The following SMAP2 variants were observed in gnomAD, a reference collection of about 807,000 sequenced individuals.
SMAP2 encodes the protein stromal membrane-associated protein 2.
Under a neutral mutation model 56.4 loss-of-function variants are expected in SMAP2, and 25 were observed. That is an observed-to-expected ratio of 0.44 (90% CI 0.32 to 0.62). SMAP2 has a LOEUF of 0.62. Ranked by LOEUF, SMAP2 falls within the 20% of genes least tolerant of loss-of-function variation. SMAP2 has a pLI of 0.04. For synonymous variants in SMAP2, 157 were observed against 181.7 expected, an observed-to-expected ratio of 0.86 and a Z score of 1.09; for missense variants, 388 against 545.6, an observed-to-expected ratio of 0.71 and a Z score of 2.88.
intron 1 of SMAP2, among the ~76,000 whole-genome samples, chr1:40,381,764 A>G (rs1029229086): frequency 6.6e-6 from 1 of 152,190 alleles, no homozygotes; most frequent in South Asian, 2.1e-4. Context: ...TGCTATTCAC[A>G]TGGGGTTATA....
intron 1 of SMAP2, among the ~76,000 whole-genome samples, chr1:40,383,890 CTT>C (rs144344953): frequency 6.7e-6 from 1 of 149,866 alleles, no homozygotes; most frequent in Non-Finnish European, 1.5e-5. Flanking sequence ...ACAGCTCACT[CTT>C]TTTTTTTTCT....
chr1:40,351,121 C>G (rs972479204), intron 1 of SMAP2, among the ~76,000 whole-genome samples: 1 of 152,160 alleles, frequency 6.6e-6, no homozygotes, highest in Non-Finnish European at 1.5e-5. Context: ...TTTTCTGGTG[C>G]CTTCTGGAGC....
chr1:40,385,876 G>A lies in SMAP2; in HGVS notation c.103+11653G>A, dbSNP rs1173821360. 1.3e-5 allele frequency among the ~76,000 whole-genome samples: 2 copies of A among 152,004 alleles called. No homozygotes were observed. The highest frequency in any genetic ancestry group is 2.9e-5 in the Non-Finnish European group (2 of 68,026). Reference sequence around the variant, plus strand: ...CTTGTCTAACTGGAAGTCCCCAAATGTGTGGATTTAGAAATGAGTTCTCTA... The same window carrying A: ...CTTGTCTAACTGGAAGTCCCCAAATATGTGGATTTAGAAATGAGTTCTCTA... On this transcript the variant is annotated intron_variant, in intron 1 of 9. Coordinates refer to ENST00000372718, the MANE Select transcript of SMAP2 (RefSeq NM_022733.3). This position sits in a 1 kb window ranked among gnomAD's most constrained non-coding sequence, Gnocchi z 4.5.
intron 1 of SMAP2, among the ~76,000 whole-genome samples, chr1:40,379,490 T>G (rs929583939): frequency 6.6e-6 from 1 of 151,902 alleles, no homozygotes; most frequent in Non-Finnish European, 1.5e-5. Context: ...TCTAAGGCTG[T>G]GACCAAGTTA....
At chr1:40,357,928 T>G (rs954694618) in intron 1 of SMAP2, among the ~76,000 whole-genome samples, 3 of 152,154 alleles carry the variant, frequency 2.0e-5, no homozygotes, top group Non-Finnish European at 4.4e-5. Context: ...TGGTTTCATA[T>G]AAATTTTAGG....
At position 40,374,601 on chromosome 1, in the gene SMAP2, G is replaced by GTT. The variant is rs1340799954; in HGVS notation, c.103+379_103+380insTT. 2.1e-4 allele frequency: 225 copies of GTT among 1,066,674 alleles called. 1 individual carries two copies. In the African/African-American group the frequency reaches 3.6e-3, roughly 17 times the overall value. The allele number at this position is 1,066,674 out of a possible 1,614,324, so 66.1% of individuals were successfully genotyped here. A position where few individuals can be genotyped will look rare whatever the true frequency, so the allele number is the denominator to read the frequency against. On this transcript the variant is annotated intron_variant, in intron 1 of 9. Transcript: ENST00000372718. The surrounding 1 kb of genome is among the most constrained non-coding windows in gnomAD (Gnocchi z 5.9). The stretch of plus-strand genomic sequence containing the variant: ...ATTGCGTGCGTGCGTGCGTGCGTGT[G>GTT]TGTGTGTGTGTGTGTGTGTGTGTGA...
intron 1 of SMAP2, among the ~76,000 whole-genome samples, chr1:40,376,731 A>T (rs915240782): frequency 6.6e-6 from 1 of 152,232 alleles, no homozygotes; most frequent in Non-Finnish European, 1.5e-5. Context: ...AGTGTTGGCT[A>T]AAATGAGAAT....
chr1:40,389,490 C>T (rs1207932521), intron 1 of SMAP2, among the ~76,000 whole-genome samples: 2 of 152,266 alleles, frequency 1.3e-5, no homozygotes, highest in East Asian at 3.9e-4. Flanking sequence ...GATAGTCTTC[C>T]TCATACTGTT....
In SMAP2 at chr1:40,374,276, G is replaced by A; in HGVS notation, c.103+53G>A. The stretch of plus-strand genomic sequence containing the variant: ...GGTCCAGCCGCGCCGGGGTGGTGGG[G>A]GTGGGCTGCGTGAAGAGGCGGTTTC... On this transcript the variant is annotated intron_variant, in intron 1 of 9. Transcript: ENST00000372718. The surrounding 1 kb of genome is among the most constrained non-coding windows in gnomAD (Gnocchi z 5.9). 6.7e-7 allele frequency: 1 copy of A among 1,483,112 alleles called. No homozygotes were observed. The highest frequency in any genetic ancestry group is 1.2e-5 in the South Asian group (1 of 84,122). The allele number at this position is 1,483,112 out of a possible 1,614,324, so 91.9% of individuals were successfully genotyped here.
At chr1:40,397,513 A>G (rs1183838855) in intron 1 of SMAP2, among the ~76,000 whole-genome samples, 1 of 152,130 alleles carries the variant, frequency 6.6e-6, no homozygotes, top group Non-Finnish European at 1.5e-5. Context: ...TGTTACAGCT[A>G]TCCTTTAAGG....
In SMAP2 at chr1:40,387,131, G is replaced by A. The variant is rs528391061; in HGVS notation, c.103+12908G>A. Among the ~76,000 whole-genome samples the A allele has an allele frequency of 1.2e-3, 180 of 152,246 alleles. 1 individual carries two copies. Among genetic ancestry groups the A allele is most frequent in the African/African-American group, 3.9e-3 (162 of 41,552 alleles). On this transcript the variant is annotated intron_variant, in intron 1 of 9. Coordinates refer to ENST00000372718, the MANE Select transcript of SMAP2 (RefSeq NM_022733.3). Reference sequence around the variant, plus strand: ...GCCTGCCGGAGTGCCAGGATTACAGGCATCAACCACCATGCCCGGCCTTAT... The same window carrying A: ...GCCTGCCGGAGTGCCAGGATTACAGACATCAACCACCATGCCCGGCCTTAT...
chr1:40,417,057 G>A lies in SMAP2; in HGVS notation c.1125G>A (p.Gly375=), dbSNP rs1456106617. ...CAGCTATGCCCCAGACTGTGTATGG[G>A]GTCCAGCCAGCTCAGCAGCTGCAAT... ...GMAAMPQTVY[G]VQPAQQLQWN... Residue 375 remains glycine, a synonymous_variant, in exon 9 of 10, where the codon GGG becomes GGA. Transcript: ENST00000372718. 1.9e-6 allele frequency: 3 copies of A among 1,607,934 alleles called. No individual in the cohort carries two copies. Among genetic ancestry groups the A allele is most frequent in the Non-Finnish European group, 1.7e-6 (2 of 1,174,912 alleles).
intron 1 of SMAP2, among the ~76,000 whole-genome samples, chr1:40,389,791 G>C (rs994177449): frequency 2.0e-5 from 3 of 152,160 alleles, no homozygotes; most frequent in Non-Finnish European, 2.9e-5. Flanking sequence ...GTGGTTCTCA[G>C]GTGCTGTAGA....
chr1:40,366,032 G>T (rs1417213601), intron 2 of SMAP2, among the ~76,000 whole-genome samples: 1 of 147,158 alleles, frequency 6.8e-6, no homozygotes, highest in Non-Finnish European at 1.5e-5. Flanking sequence ...TGAAAACCAA[G>T]GCTCGAGAAC....
intron 5 of SMAP2, 88 bp downstream of exon 5, chr1:40,413,190 C>A: frequency 1.1e-6 from 1 of 937,938 alleles, no homozygotes; most frequent in South Asian, 1.3e-5. Flanking sequence ...GTGGTGAGTA[C>A]CATTGCACCA....
At chr1:40,410,870 C>G (rs1397643759) in intron 4 of SMAP2, among the ~76,000 whole-genome samples, 1 of 152,164 alleles carries the variant, frequency 6.6e-6, no homozygotes, top group Non-Finnish European at 1.5e-5. Flanking sequence ...AGAAAATTCT[C>G]TTAGGAATAA....
intron 1 of SMAP2, among the ~76,000 whole-genome samples, chr1:40,359,265 G>T (rs572550429): frequency 2.0e-5 from 3 of 152,110 alleles, no homozygotes; most frequent in Non-Finnish European, 4.4e-5. Context: ...ACCATGCCCA[G>T]CTAATTTTTG....
At chr1:40,414,478 G>A (rs2124365666) in intron 6 of SMAP2, among the ~76,000 whole-genome samples, 1 of 152,356 alleles carries the variant, frequency 6.6e-6, no homozygotes, top group South Asian at 2.1e-4. Context: ...TGGAGCCAGT[G>A]TCGCTCTGTG....
intron 2 of SMAP2, among the ~76,000 whole-genome samples, chr1:40,407,154 C>T (rs1557454085): frequency 6.6e-6 from 1 of 152,114 alleles, no homozygotes; most frequent in Non-Finnish European, 1.5e-5. Flanking sequence ...TTTTCTAAGA[C>T]TCTTAGCATT....
Sources: gnomAD v4.1 joint callset for allele counts (sites outside exome capture counted in the v4.1 genomes callset) on GRCh38, gnomAD v4.1.1 for gene constraint, Gnocchi (gnomAD v3.1) non-coding constraint, MANE v1.5 for transcripts, NCBI Gene and HGNC (gene_info 2026-07-23, HGNC 2026-07-21) for gene names.